Variants in DCC observed in about 807,000 individuals in gnomAD.
DCC encodes netrin receptor DCC.
A neutral mutation model predicts 172.5 loss-of-function variants in DCC; 58 were observed. That is an observed-to-expected ratio of 0.34 (90% CI 0.27 to 0.42). The LOEUF (loss-of-function observed/expected upper bound fraction) is 0.42. Among genes scored for constraint, DCC ranks in the 10% least tolerant of loss-of-function variants. DCC has a pLI of 1.00. For missense variants in DCC, 1,740 were observed against 1,791.0 expected (o/e 0.97, Z 0.51); for synonymous variants, 709 against 644.5 (o/e 1.10, Z -1.52).
At chr18:52,606,617 T>C (rs2034136631) in intron 1 of DCC, among the ~76,000 whole-genome samples, 1 of 152,140 alleles carries the variant, frequency 6.6e-6, no homozygotes, top group Non-Finnish European at 1.5e-5. Context: ...ATTCAGGAGA[T>C]AGTTGTAGTA....
At chr18:52,615,734 C>A (rs1466753825) in intron 1 of DCC, among the ~76,000 whole-genome samples, 1 of 152,040 alleles carries the variant, frequency 6.6e-6, no homozygotes, top group Non-Finnish European at 1.5e-5. Context: ...ACAAGTTCTT[C>A]TGATGATGAA....
At chr18:53,472,137 A>C (rs1441992381) in intron 25 of DCC, among the ~76,000 whole-genome samples, 1 of 152,154 alleles carries the variant, frequency 6.6e-6, no homozygotes, top group Non-Finnish European at 1.5e-5. Flanking sequence ...AAGTGCAAAA[A>C]CTTACATAGC....
intron 1 of DCC, among the ~76,000 whole-genome samples, chr18:52,671,498 G>A (rs564740562): frequency 2.7e-4 from 40 of 145,978 alleles, no homozygotes; most frequent in South Asian, 6.5e-4. Flanking sequence ...TTTTTTCCCC[G>A]TCACAATAGC....
intron 1 of DCC, among the ~76,000 whole-genome samples, chr18:52,465,711 AAGG>A (rs1347136780): frequency 6.6e-6 from 1 of 152,138 alleles, no homozygotes; most frequent in African/African-American, 2.4e-5. Context: ...GCATTTCTTG[AAGG>A]AGGAGTACAC....
At chr18:52,923,995 G>T in intron 4 of DCC, 138 bp downstream of exon 4, 2 of 719,214 alleles carry the variant, frequency 2.8e-6, no homozygotes, top group East Asian at 2.7e-5. Flanking sequence ...ACATTTCTTG[G>T]CATGATACAG....
intron 1 of DCC, among the ~76,000 whole-genome samples, chr18:52,551,711 A>G (rs2032774443): frequency 6.7e-6 from 1 of 148,470 alleles, no homozygotes; most frequent in African/African-American, 2.5e-5. Flanking sequence ...TCCCTTTATC[A>G]CCCCTTACTC....
intron 2 of DCC, among the ~76,000 whole-genome samples, chr18:52,760,844 T>G (rs2037149103): frequency 6.6e-6 from 1 of 152,170 alleles, no homozygotes; most frequent in Admixed American, 6.5e-5. Context: ...GAGGAAATCA[T>G]GGAAAATCTC....
At chr18:53,014,127 A>G (rs72932044) in intron 5 of DCC, among the ~76,000 whole-genome samples, 3,514 of 152,292 alleles carry the variant, frequency 0.023, 64 homozygotes, top group Admixed American at 0.04. Context: ...TCTGATCGTA[A>G]TGATCATATG....
chr18:53,410,389 G>A, intron 19 of DCC, 63 bp from the exon 20 acceptor site: 5 of 990,164 alleles, frequency 5.0e-6, no homozygotes, highest in Non-Finnish European at 8.2e-6. Context: ...AAACCTGGGT[G>A]TTTGGAAGCA....
intron 7 of DCC, among the ~76,000 whole-genome samples, chr18:53,105,748 G>C (rs1424468308): frequency 6.6e-6 from 1 of 151,686 alleles, no homozygotes; most frequent in Admixed American, 6.6e-5. Flanking sequence ...TTCTGTGCCT[G>C]GGAAGTAGAA....
chr18:52,610,833 T>C (rs929305210), intron 1 of DCC, among the ~76,000 whole-genome samples: 13 of 148,276 alleles, frequency 8.8e-5, no homozygotes, highest in Non-Finnish European at 1.7e-4. Context: ...TGATTTTTTT[T>C]CTACCCATTT....
At chr18:52,582,738 A>T (rs1371371707) in intron 1 of DCC, among the ~76,000 whole-genome samples, 1 of 152,198 alleles carries the variant, frequency 6.6e-6, no homozygotes, top group African/African-American at 2.4e-5. Flanking sequence ...AAAGTTCCTC[A>T]AATGGGAATA....
At chr18:52,960,826 A>G (rs935604247) in intron 5 of DCC, among the ~76,000 whole-genome samples, 4 of 152,116 alleles carry the variant, frequency 2.6e-5, no homozygotes, top group Middle Eastern at 3.2e-3. Context: ...TTATTGATGG[A>G]TTGATGTTTG....
chr18:52,542,105 T>C (rs1145273), intron 1 of DCC, among the ~76,000 whole-genome samples: 138,710 of 150,078 alleles, frequency 0.92, 64,235 homozygotes, highest in East Asian at 0.99. Flanking sequence ...AAATCTATAC[T>C]AGGACCTATC....
At chr18:52,721,570 C>T (rs1314083737) in intron 1 of DCC, among the ~76,000 whole-genome samples, 1 of 152,142 alleles carries the variant, frequency 6.6e-6, no homozygotes, top group Non-Finnish European at 1.5e-5. Context: ...TCTGATTTAT[C>T]TTCCAATGTA....
Position 53,202,632 on chromosome 18 carries a change from G to A in DCC, c.1574-2584G>A, listed in dbSNP as rs1385650166. ...ATGGTCCTAATGTTATCTCCCCATG[G>A]GTTGCTTATTAGTTGTAAGTGGTAG... On this transcript the variant is annotated intron_variant, in intron 9 of 28. Transcript: ENST00000442544. Among the ~76,000 whole-genome samples the A allele has an allele frequency of 2.6e-5, 4 of 152,232 alleles. No individual in the cohort carries two copies. In the East Asian group the frequency reaches 7.7e-4, roughly 29 times the overall value.
intron 2 of DCC, among the ~76,000 whole-genome samples, chr18:52,822,514 C>T (rs1329746327): frequency 6.6e-6 from 1 of 152,158 alleles, no homozygotes; most frequent in Non-Finnish European, 1.5e-5. Context: ...AACTAACATA[C>T]CAGAAACACA....
chr18:53,507,928 C>T (rs2046202343), intron 27 of DCC, among the ~76,000 whole-genome samples: 1 of 142,622 alleles, frequency 7.0e-6, no homozygotes, highest in South Asian at 2.2e-4. Flanking sequence ...GAGTCTCGCT[C>T]TGTCACCCAG....
At chr18:52,865,245 G>T (rs1298409685) in intron 2 of DCC, among the ~76,000 whole-genome samples, 2 of 152,112 alleles carry the variant, frequency 1.3e-5, no homozygotes, top group Non-Finnish European at 2.9e-5. Flanking sequence ...ATCATTGATG[G>T]GCATTTGGGT....
Sources: allele counts gnomAD v4.1 joint callset (sites outside exome capture counted in the v4.1 genomes callset), GRCh38; gene constraint gnomAD v4.1.1; transcripts MANE v1.5; gene names NCBI Gene and HGNC (gene_info 2026-07-23, HGNC 2026-07-21).